The following SLC35F4 variants were observed in gnomAD, a reference collection of about 807,000 sequenced individuals.
SLC35F4 encodes the protein solute carrier family 35 member F4.
In SLC35F4, 24 loss-of-function variants were observed where a neutral mutation model predicts 44.2. The observed-to-expected ratio is 0.54, with a 90% confidence interval of 0.39 to 0.76. SLC35F4 has a LOEUF of 0.76. Among genes scored for constraint, SLC35F4 ranks in the 30% least tolerant of loss-of-function variants. The pLI is 0.00. For missense variants in SLC35F4, 562 were observed against 586.1 expected (o/e 0.96, Z 0.42); for synonymous variants, 238 against 223.6 (o/e 1.06, Z -0.57).
At chr14:57,900,833 A>C (rs972832764) in intron 1 of SLC35F4, among the ~76,000 whole-genome samples, 5 of 152,224 alleles carry the variant, frequency 3.3e-5, no homozygotes, top group African/African-American at 1.2e-4. Context: ...TTACAAGAAA[A>C]AAAACCCATT....
intron 1 of SLC35F4, among the ~76,000 whole-genome samples, chr14:57,620,695 C>A (rs2072129384): frequency 6.6e-6 from 1 of 152,090 alleles, no homozygotes; most frequent in South Asian, 2.1e-4. Flanking sequence ...GAGATACGTC[C>A]CATCAATACC....
chr14:57,911,329 G>T (rs1480871515), intron 1 of SLC35F4, among the ~76,000 whole-genome samples: 1 of 151,956 alleles, frequency 6.6e-6, no homozygotes, highest in Non-Finnish European at 1.5e-5. Flanking sequence ...ATATTGAAAA[G>T]CAGTGGTAAG....
In SLC35F4 at chr14:57,621,513, A is replaced by G. The variant is rs541007003; in HGVS notation, c.104-27389T>C. ...GAACAGAGCCCTCAGAAATAACACT[A>G]CATATCTACAACTATCTGATCTTTG... is the stretch of plus-strand genomic sequence containing the variant. On this transcript the variant is annotated intron_variant, in intron 1 of 7. Transcript: ENST00000556826. Among the ~76,000 whole-genome samples, 386 of 152,224 alleles carry G rather than the reference A, an allele frequency of 2.5e-3. 1 individual carries two copies. Among genetic ancestry groups the G allele is most frequent in the African/African-American group, 8.8e-3 (367 of 41,536 alleles).
intron 1 of SLC35F4, among the ~76,000 whole-genome samples, chr14:57,964,775 GT>G (rs1890403672): frequency 1.3e-5 from 2 of 151,960 alleles, no homozygotes; most frequent in African/African-American, 4.8e-5. Context: ...GCAGTGAAGG[GT>G]GGCATGCATT....
rs534833007 is a variant in SLC35F4 at position 57,955,729 on chromosome 14, A to G, written n.282+26184T>C. On this transcript the variant is annotated intron_variant and non_coding_transcript_variant, in intron 1 of 1. Transcript: ENST00000556568. ...AATAAAATACCTAGGAATACAACTT[A>G]CAACGGATGTGAAGGACCTCTTCAA... 2.3e-3 allele frequency among the ~76,000 whole-genome samples: 352 copies of G among 152,348 alleles called. 1 individual carries two copies. Among genetic ancestry groups the G allele is most frequent in the African/African-American group, 8.1e-3 (336 of 41,578 alleles).
At chr14:57,630,160 A>C (rs968600707) in intron 1 of SLC35F4, 4 of 557,576 alleles carry the variant, frequency 7.2e-6, no homozygotes, top group African/African-American at 5.7e-5. Context: ...CAGTTTGCCT[A>C]GGGGGATCAG....
Position 57,597,760 on chromosome 14 carries a change from G to A in SLC35F4, c.104-3636C>T, listed in dbSNP as rs147884713. On this transcript the variant is annotated intron_variant, in intron 1 of 7. Transcript: ENST00000556826. ...TAGAAGCAAATAGTCAGAGGCATAA[G>A]GTGCATGCTATGAAGCTCAATATTA... Among the ~76,000 whole-genome samples, 395 of 152,278 alleles carry A rather than the reference G, an allele frequency of 2.6e-3. 1 individual carries two copies. The highest frequency in any genetic ancestry group is 8.6e-3 in the African/African-American group (359 of 41,558).
intron 1 of SLC35F4, among the ~76,000 whole-genome samples, chr14:57,713,825 T>C (rs553810703): frequency 1.3e-5 from 2 of 152,196 alleles, no homozygotes; most frequent in Non-Finnish European, 2.9e-5. Context: ...TGTAAGAATA[T>C]TGGGAATTCC....
intron 6 of SLC35F4, among the ~76,000 whole-genome samples, chr14:57,567,220 TTAAAA>T (rs2068247897): frequency 6.6e-6 from 1 of 152,240 alleles, no homozygotes; most frequent in Non-Finnish European, 1.5e-5. Flanking sequence ...ATAAAATTAG[TTAAAA>T]TAATCATTTA....
At chr14:57,672,915 GCA>G (rs2074567373) in intron 1 of SLC35F4, among the ~76,000 whole-genome samples, 1 of 150,206 alleles carries the variant, frequency 6.7e-6, no homozygotes, top group South Asian at 2.1e-4. Flanking sequence ...TTGTTTTTTT[GCA>G]CAGTGTCTTC....
At chr14:57,596,359 T>G in intron 1 of SLC35F4, 1 of 184,946 alleles carries the variant, frequency 5.4e-6, no homozygotes, top group South Asian at 1.1e-4. Context: ...ATTCAGAATG[T>G]TTATTATACC....
chr14:57,603,606 C>G (rs1342291496), intron 1 of SLC35F4, among the ~76,000 whole-genome samples: 1 of 152,172 alleles, frequency 6.6e-6, no homozygotes, highest in Non-Finnish European at 1.5e-5. Flanking sequence ...CCTACAGTAC[C>G]AGTGGGTACT....
chr14:57,591,150 CGCTAGTTA>C (rs2070152071), intron 2 of SLC35F4, among the ~76,000 whole-genome samples: 1 of 152,166 alleles, frequency 6.6e-6, no homozygotes, highest in Admixed American at 6.5e-5. Context: ...CTCTACCAGG[CGCTAGTTA>C]GCTACTTGGA....
chr14:57,608,995 T>C (rs1703443), intron 1 of SLC35F4, among the ~76,000 whole-genome samples: 52,902 of 151,928 alleles, frequency 0.35, 10,074 homozygotes, highest in Admixed American at 0.45. Flanking sequence ...AGAAAGCGCA[T>C]GCAGGAAGTA....
At chr14:57,785,753 A>C (rs2077740275) in intron 1 of SLC35F4, among the ~76,000 whole-genome samples, 1 of 152,210 alleles carries the variant, frequency 6.6e-6, no homozygotes, top group Admixed American at 6.5e-5. Flanking sequence ...AGGAAGCAGC[A>C]GAAACGCCCT....
intron 1 of SLC35F4, among the ~76,000 whole-genome samples, chr14:57,830,898 G>A (rs1884298308): frequency 6.6e-6 from 1 of 152,124 alleles, no homozygotes; most frequent in Non-Finnish European, 1.5e-5. Flanking sequence ...GCCCATTTCT[G>A]CACAGACTAC....
At chr14:57,720,158 T>G (rs2076047898) in intron 1 of SLC35F4, among the ~76,000 whole-genome samples, 1 of 152,220 alleles carries the variant, frequency 6.6e-6, no homozygotes, top group African/African-American at 2.4e-5. Flanking sequence ...TCATTGAACC[T>G]TCCTTGCATC....
At chr14:57,763,538 T>C (rs1278103911) in intron 1 of SLC35F4, among the ~76,000 whole-genome samples, 3 of 152,178 alleles carry the variant, frequency 2.0e-5, no homozygotes, top group African/African-American at 4.8e-5. Flanking sequence ...TCCTCTTCTA[T>C]AAATTTCTGA....
chr14:57,665,122 G>A (rs748638293), intron 1 of SLC35F4, among the ~76,000 whole-genome samples: 2 of 151,138 alleles, frequency 1.3e-5, no homozygotes, highest in African/African-American at 2.4e-5. Context: ...AACATCAACC[G>A]CCCTCCCGCC....
Sources: gnomAD v4.1 joint callset for allele counts (sites outside exome capture counted in the v4.1 genomes callset) on GRCh38, gnomAD v4.1.1 for gene constraint, MANE v1.5 for transcripts, NCBI Gene and HGNC (gene_info 2026-07-23, HGNC 2026-07-21) for gene names.